Variants in MCC observed in about 807,000 individuals in gnomAD.
MCC encodes MCC regulator of Wnt signaling pathway, also known as colorectal mutant cancer protein.
MCC carries 90 observed loss-of-function variants against 116.2 expected under a neutral mutation model. That is an observed-to-expected ratio of 0.77 (90% CI 0.65 to 0.92). MCC has a LOEUF of 0.92. Among genes scored for constraint, MCC ranks in the 40% least tolerant of loss-of-function variants. MCC has a pLI of 0.00. For synonymous variants in MCC, 578 were observed against 510.5 expected (o/e 1.13, Z -1.78); for missense variants, 1,516 against 1,312.2 (o/e 1.16, Z -2.40).
chr5:113,069,562 T>C (rs926409687), intron 12 of MCC, among the ~76,000 whole-genome samples: 2 of 152,226 alleles, frequency 1.3e-5, no homozygotes, highest in African/African-American at 4.8e-5. Context: ...ACAATTTCCT[T>C]TGATTGCCTT....
chr5:113,332,613 C>A (rs114227213), intron 3 of MCC, among the ~76,000 whole-genome samples: 4,638 of 148,630 alleles, frequency 0.031, 309 homozygotes, highest in African/African-American at 0.091. Flanking sequence ...CATATAAATC[C>A]AGTAGAAAAA....
At chr5:113,097,242 A>T (rs1344948382) in intron 8 of MCC, among the ~76,000 whole-genome samples, 3 of 152,210 alleles carry the variant, frequency 2.0e-5, no homozygotes, top group Non-Finnish European at 4.4e-5. Context: ...GAGGACAAAG[A>T]AGAAAAAAAG....
At chr5:113,480,893 G>T (rs1580429707) in intron 1 of MCC, among the ~76,000 whole-genome samples, 1 of 152,036 alleles carries the variant, frequency 6.6e-6, no homozygotes, top group South Asian at 2.1e-4. Flanking sequence ...TCCCTCCTCA[G>T]CCTCCTGAGT....
intron 15 of MCC, 150 bp from the exon 16 acceptor site, chr5:113,049,449 G>C: frequency 1.6e-6 from 1 of 624,800 alleles, no homozygotes; most frequent in Non-Finnish European, 2.8e-6. Flanking sequence ...GGATGAGTGG[G>C]AGGAGACGTG....
intron 1 of MCC, among the ~76,000 whole-genome samples, chr5:113,411,560 AT>A (rs368899898): frequency 6.7e-6 from 1 of 149,736 alleles, no homozygotes; most frequent in Non-Finnish European, 1.5e-5. Context: ...TTCAGGAGCG[AT>A]TTTTTTTTTC....
chr5:113,208,726 C>G (rs1763006497), intron 3 of MCC, among the ~76,000 whole-genome samples: 1 of 152,030 alleles, frequency 6.6e-6, no homozygotes. Context: ...GCAAGAGTAT[C>G]ATGAAAAAAA....
chr5:113,049,144 C>G lies in MCC; in HGVS notation c.2604G>C (p.Arg868=). 1.9e-6 allele frequency: 3 copies of G among 1,614,222 alleles called. No homozygotes were observed. The highest frequency in any genetic ancestry group is 2.5e-6 in the Non-Finnish European group (3 of 1,180,038). The stretch of plus-strand genomic sequence containing the variant: ...TGCTGGTGGAGCTGAGGGATCGCAT[C>G]CGCTGCTCCTTCTGCTCCTCCACCT... ...KSEVEEQKEQ[R]MRSLSSTSSG... is the part of the protein sequence containing the mutation. The change falls in exon 16 of 19, where the codon CGG becomes CGC. Residue 868 remains arginine, a synonymous_variant. Coordinates refer to ENST00000408903, the MANE Select transcript of MCC (RefSeq NM_001085377.2).
intron 3 of MCC, among the ~76,000 whole-genome samples, chr5:113,210,598 G>A (rs1280253920): frequency 6.6e-6 from 1 of 152,158 alleles, no homozygotes; most frequent in African/African-American, 2.4e-5. Flanking sequence ...AAGGAAAGAG[G>A]ATGTTTGGGG....
At chr5:113,288,504 T>C (rs1012358008) in intron 3 of MCC, among the ~76,000 whole-genome samples, 1 of 152,182 alleles carries the variant, frequency 6.6e-6, no homozygotes, top group African/African-American at 2.4e-5. Flanking sequence ...TCGACGAATC[T>C]GCTTTTAGGG....
Position 113,294,352 on chromosome 5 carries a change from C to G in MCC, c.627+46167G>C, listed in dbSNP as rs758342774. On this transcript the variant is annotated intron_variant, in intron 3 of 18. Coordinates refer to ENST00000408903, the MANE Select transcript of MCC (RefSeq NM_001085377.2). ...ACCTCACTCAGCTCGGCCGAGGAGTCGTTTCCATATTTCATGGCAACTCCG... is the reference window on the plus strand; with the variant it reads ...ACCTCACTCAGCTCGGCCGAGGAGTGGTTTCCATATTTCATGGCAACTCCG... 3.1e-6 allele frequency: 5 copies of G among 1,613,838 alleles called. No homozygotes were observed. In the East Asian group the frequency reaches 8.9e-5, roughly 29 times the overall value.
chr5:113,311,314 G>A (rs1767129341), intron 3 of MCC, among the ~76,000 whole-genome samples: 2 of 152,162 alleles, frequency 1.3e-5, no homozygotes, highest in Non-Finnish European at 2.9e-5. Flanking sequence ...AACAGAATAA[G>A]ATGGAATTAA....
chr5:113,068,567 T>A (rs1307025739), intron 12 of MCC, among the ~76,000 whole-genome samples: 1 of 152,180 alleles, frequency 6.6e-6, no homozygotes, highest in South Asian at 2.1e-4. Flanking sequence ...TGTACCAGGG[T>A]TGGTCTGTGT....
At chr5:113,291,292 T>C (rs2150361145) in intron 3 of MCC, among the ~76,000 whole-genome samples, 1 of 152,288 alleles carries the variant, frequency 6.6e-6, no homozygotes, top group East Asian at 1.9e-4. Flanking sequence ...CCTGGAGTAC[T>C]AGGTGCAGAG....
intron 1 of MCC, among the ~76,000 whole-genome samples, chr5:113,401,701 G>C (rs576056957): frequency 2.0e-5 from 3 of 151,992 alleles, no homozygotes; most frequent in Admixed American, 2.0e-4. Context: ...CCTTGGCCTG[G>C]ACAGAAACCT....
At chr5:113,419,945 A>G (rs968244094) in intron 1 of MCC, among the ~76,000 whole-genome samples, 2 of 151,202 alleles carry the variant, frequency 1.3e-5, no homozygotes, top group Non-Finnish European at 3.0e-5. Context: ...TGGGTGCAGC[A>G]CACCAACATG....
intron 18 of MCC, 91 bp from the exon 19 acceptor site, chr5:113,027,573 G>T: frequency 8.8e-7 from 1 of 1,135,192 alleles, no homozygotes; most frequent in Non-Finnish European, 1.3e-6. Context: ...GATCTAGTGA[G>T]CACTGCTCTG....
At chr5:113,246,532 G>T (rs1328029837) in intron 3 of MCC, among the ~76,000 whole-genome samples, 1 of 152,242 alleles carries the variant, frequency 6.6e-6, no homozygotes, top group Non-Finnish European at 1.5e-5. Flanking sequence ...GGAAAGCCAA[G>T]TGACTACTTT....
At chr5:113,072,575 C>G (rs1209927080) in intron 11 of MCC, among the ~76,000 whole-genome samples, 4 of 152,202 alleles carry the variant, frequency 2.6e-5, no homozygotes, top group Admixed American at 2.6e-4. Context: ...AAAGAGCTCC[C>G]CTCACTTAAG....
chr5:113,141,989 C>T (rs1279720739), intron 5 of MCC, among the ~76,000 whole-genome samples: 1 of 150,804 alleles, frequency 6.6e-6, no homozygotes, highest in African/African-American at 2.5e-5. Flanking sequence ...TTCTTCTCTG[C>T]TCATGTACTT....
Sources: gnomAD v4.1 joint callset for allele counts (sites outside exome capture counted in the v4.1 genomes callset) on GRCh38, gnomAD v4.1.1 for gene constraint, MANE v1.5 for transcripts, NCBI Gene and HGNC (gene_info 2026-07-23, HGNC 2026-07-21) for gene names.